Variants in GABRG3 observed in about 807,000 individuals in gnomAD.
The protein encoded by GABRG3 is gamma-aminobutyric acid type A receptor subunit gamma3, also known as gamma-aminobutyric acid receptor subunit gamma-3.
Under a neutral mutation model 48.8 loss-of-function variants are expected in GABRG3, and 25 were observed. That is an observed-to-expected ratio of 0.51 (90% CI 0.37 to 0.72). The LOEUF (loss-of-function observed/expected upper bound fraction) is 0.72. Among genes scored for constraint, GABRG3 ranks in the 30% least tolerant of loss-of-function variants. The pLI, the probability that GABRG3 is intolerant of heterozygous loss-of-function variation, is 0.00. For missense variants in GABRG3, 394 were observed against 577.9 expected, an observed-to-expected ratio of 0.68 and a Z score of 3.26; for synonymous variants, 227 against 217.6, an observed-to-expected ratio of 1.04 and a Z score of -0.38.
chr15:27,094,887 A>G (rs1424906326), intron 3 of GABRG3, among the ~76,000 whole-genome samples: 1 of 152,248 alleles, frequency 6.6e-6, no homozygotes, highest in Non-Finnish European at 1.5e-5. Context: ...CCAAATATAT[A>G]TATTATGACA....
rs1894956737 is a variant in GABRG3 at position 26,976,776 on chromosome 15, A to T, written c.54-226A>T. Among the ~76,000 whole-genome samples, 1 of 152,164 alleles carries T rather than the reference A, an allele frequency of 6.6e-6. No homozygotes were observed. The highest frequency in any genetic ancestry group is 1.9e-4 in the East Asian group (1 of 5,198). ...GATGGGGGATGGTCTTCTGGCATTT[A>T]ATAAAAACATACCATGTTAATAGCA... On this transcript the variant is annotated intron_variant, in intron 1 of 9. Transcript: ENST00000615808. The surrounding 1 kb of genome is among the most constrained non-coding windows in gnomAD (Gnocchi z 7.8).
chr15:27,454,579 G>A (rs139020933), intron 5 of GABRG3, among the ~76,000 whole-genome samples: 1 of 152,306 alleles, frequency 6.6e-6, no homozygotes, highest in Admixed American at 6.5e-5. Flanking sequence ...CTGACGCCCA[G>A]TGCTGCTGAT....
intron 3 of GABRG3, among the ~76,000 whole-genome samples, chr15:27,181,077 C>T (rs761615692): frequency 3.9e-5 from 6 of 152,130 alleles, no homozygotes; most frequent in Non-Finnish European, 8.8e-5. Context: ...AATATGTGTC[C>T]ATGAAACCTC....
At chr15:27,266,325 A>G (rs2168149) in intron 3 of GABRG3, among the ~76,000 whole-genome samples, 89,535 of 151,648 alleles carry the variant, frequency 0.59, 27,036 homozygotes, top group Non-Finnish European at 0.65. Flanking sequence ...TCAGTACTTT[A>G]TGCTGAAGAT....
chr15:27,243,273 C>T (rs1275555486), intron 3 of GABRG3, among the ~76,000 whole-genome samples: 1 of 152,072 alleles, frequency 6.6e-6, no homozygotes, highest in Non-Finnish European at 1.5e-5. Flanking sequence ...CCATCGTGAA[C>T]GCTGTGAAAA....
intron 5 of GABRG3, among the ~76,000 whole-genome samples, chr15:27,412,870 G>A (rs555122006): frequency 6.6e-6 from 1 of 152,236 alleles, no homozygotes; most frequent in South Asian, 2.1e-4. Flanking sequence ...TTTTGCTTCA[G>A]TATTTTTTAC....
chr15:27,399,155 T>A (rs1417682178), intron 5 of GABRG3, among the ~76,000 whole-genome samples: 1 of 152,220 alleles, frequency 6.6e-6, no homozygotes. Context: ...AAATATGTTA[T>A]TTATTACCTA....
intron 3 of GABRG3, among the ~76,000 whole-genome samples, chr15:27,235,271 G>T (rs1444964815): frequency 6.6e-6 from 1 of 150,798 alleles, no homozygotes; most frequent in African/African-American, 2.5e-5. Context: ...CTGCACAGAA[G>T]ATGGTTTGTT....
At chr15:27,408,352 A>G (rs1346309068) in intron 5 of GABRG3, among the ~76,000 whole-genome samples, 5 of 152,226 alleles carry the variant, frequency 3.3e-5, no homozygotes, top group Non-Finnish European at 7.3e-5. Context: ...ATGAAAATAT[A>G]GTTGAGAACA....
At chr15:27,484,045 C>G (rs545509550) in intron 6 of GABRG3, among the ~76,000 whole-genome samples, 1 of 152,204 alleles carries the variant, frequency 6.6e-6, no homozygotes, top group Non-Finnish European at 1.5e-5. Flanking sequence ...AGCAATTCTC[C>G]TGCCTCAGCC....
intron 3 of GABRG3, among the ~76,000 whole-genome samples, chr15:27,175,124 T>G (rs569833205): frequency 3.1e-4 from 47 of 152,250 alleles, no homozygotes; most frequent in East Asian, 1.9e-3. Context: ...GGCATGTGCT[T>G]CCTGTGCACC....
intron 3 of GABRG3, among the ~76,000 whole-genome samples, chr15:27,306,964 T>A (rs1451409600): frequency 8.0e-6 from 1 of 124,766 alleles, no homozygotes; most frequent in Non-Finnish European, 1.6e-5. Context: ...AACATGTTTA[T>A]ATATAAACAT....
intron 3 of GABRG3, among the ~76,000 whole-genome samples, chr15:27,265,674 C>A (rs1890895237): frequency 6.6e-6 from 1 of 152,150 alleles, no homozygotes; most frequent in Admixed American, 6.5e-5. Context: ...ATTCCAGCTA[C>A]CAGTCCTTTA....
intron 6 of GABRG3, among the ~76,000 whole-genome samples, chr15:27,495,233 G>T (rs1191476349): frequency 6.6e-6 from 1 of 152,126 alleles, no homozygotes; most frequent in African/African-American, 2.4e-5. Flanking sequence ...GTCCCTTTGT[G>T]CCTGGCTTAT....
chr15:27,103,401 A>G (rs980049158), intron 3 of GABRG3, among the ~76,000 whole-genome samples: 2 of 152,148 alleles, frequency 1.3e-5, no homozygotes, highest in African/African-American at 4.8e-5. Context: ...TCCCCACAGC[A>G]GGTTCACCCA....
chr15:27,318,167 G>A (rs1333703468), intron 3 of GABRG3, among the ~76,000 whole-genome samples: 1 of 152,056 alleles, frequency 6.6e-6, no homozygotes, highest in Non-Finnish European at 1.5e-5. Context: ...ACTTTGGAAG[G>A]GTACTCAAAG....
At chr15:27,129,412 A>T (rs1897876786) in intron 3 of GABRG3, among the ~76,000 whole-genome samples, 2 of 152,168 alleles carry the variant, frequency 1.3e-5, no homozygotes, top group South Asian at 4.1e-4. Flanking sequence ...AATATTCATT[A>T]TGTGTATATG....
chr15:27,133,669 A>G (rs1897959932), intron 3 of GABRG3, among the ~76,000 whole-genome samples: 2 of 152,170 alleles, frequency 1.3e-5, no homozygotes, highest in South Asian at 4.1e-4. Flanking sequence ...AGAGCTTTTT[A>G]TTAGTTTTTA....
At chr15:27,389,639 T>C (rs772266906) in intron 5 of GABRG3, among the ~76,000 whole-genome samples, 4 of 152,192 alleles carry the variant, frequency 2.6e-5, no homozygotes, top group Non-Finnish European at 4.4e-5. Context: ...CTAACTCTGA[T>C]TGGTAAAATA....
Sources: gnomAD v4.1 joint callset for allele counts (sites outside exome capture counted in the v4.1 genomes callset) on GRCh38, gnomAD v4.1.1 for gene constraint, Gnocchi (gnomAD v3.1) non-coding constraint, MANE v1.5 for transcripts, NCBI Gene and HGNC (gene_info 2026-07-23, HGNC 2026-07-21) for gene names.